The following COL19A1 variants were observed in gnomAD, a reference collection of about 807,000 sequenced individuals.
The protein encoded by COL19A1 is collagen alpha-1(XIX) chain.
Under a neutral mutation model 190.2 loss-of-function variants are expected in COL19A1, and 159 were observed. The observed-to-expected ratio is 0.84, with a 90% CI of 0.73 to 0.95. The LOEUF is 0.95. Ranked by LOEUF, COL19A1 falls within the 40% of genes least tolerant of loss-of-function variation. COL19A1 has a pLI of 0.00. For synonymous variants in COL19A1, 509 were observed against 458.9 expected, an observed-to-expected ratio of 1.11 and a Z score of -1.39; for missense variants, 1,418 against 1,431.9, an observed-to-expected ratio of 0.99 and a Z score of 0.16.
chr6:70,143,786 C>A lies in COL19A1; in HGVS notation c.1627-424C>A, dbSNP rs369035210. Among the ~76,000 whole-genome samples, 15 of 151,904 alleles carry A rather than the reference C, an allele frequency of 9.9e-5. 1 individual carries two copies. In the East Asian group the frequency reaches 1.4e-3, roughly 14 times the overall value. On this transcript the variant is annotated intron_variant, in intron 23 of 50. Transcript: ENST00000620364. ...GTGGCACAAGTGGAGCCACAATGCT[C>A]AAAAACTGAGACTAAGTGATAGTGG...
At chr6:69,906,841 A>T (rs17745952) in intron 4 of COL19A1, among the ~76,000 whole-genome samples, 26,025 of 152,096 alleles carry the variant, frequency 0.17, 2,755 homozygotes, top group African/African-American at 0.29. Flanking sequence ...GCTATTCTAA[A>T]TTATGTTTAT....
At chr6:70,137,549 A>G (rs1785945590) in intron 18 of COL19A1, 136 bp from the exon 19 acceptor site, 1 of 752,914 alleles carries the variant, frequency 1.3e-6, no homozygotes. Flanking sequence ...TAGATTCAGA[A>G]CTTTGCATTG....
intron 11 of COL19A1, among the ~76,000 whole-genome samples, chr6:69,996,818 TTAAA>T (rs898693782): frequency 3.0e-4 from 45 of 152,132 alleles, no homozygotes; most frequent in Admixed American, 8.5e-4. Flanking sequence ...TTTACAACCT[TTAAA>T]TAGAGTCTGT....
At chr6:69,958,015 C>T (rs1473015262) in intron 9 of COL19A1, among the ~76,000 whole-genome samples, 1 of 152,132 alleles carries the variant, frequency 6.6e-6, no homozygotes, top group Non-Finnish European at 1.5e-5. Flanking sequence ...CACAGGAAAA[C>T]ACAGTGTTTT....
intron 42 of COL19A1, among the ~76,000 whole-genome samples, chr6:70,179,203 G>A (rs116611295): frequency 0.021 from 3,212 of 152,230 alleles, 133 homozygotes; most frequent in African/African-American, 0.073. Flanking sequence ...CTCTACCTAT[G>A]GAGGGATCTC....
At chr6:70,156,773 G>C (rs373338490) in intron 34 of COL19A1, 50 bp downstream of exon 34, 1 of 1,461,628 alleles carries the variant, frequency 6.8e-7, no homozygotes, top group Non-Finnish European at 9.5e-7. Context: ...TTCTCTTTAC[G>C]TGGCTCAACA....
chr6:70,172,567 T>G (rs1765561207), intron 41 of COL19A1, among the ~76,000 whole-genome samples: 1 of 152,112 alleles, frequency 6.6e-6, no homozygotes, highest in African/African-American at 2.4e-5. Flanking sequence ...GCAGACCCTT[T>G]GTTATGGGTT....
At chr6:70,051,454 C>T (rs1375877017) in intron 14 of COL19A1, among the ~76,000 whole-genome samples, 2 of 152,124 alleles carry the variant, frequency 1.3e-5, no homozygotes, top group Non-Finnish European at 2.9e-5. Flanking sequence ...CCCTTGCCCC[C>T]AGGTACCAGA....
At chr6:70,144,381 T>A in intron 24 of COL19A1, 118 bp downstream of exon 24, 1 of 818,694 alleles carries the variant, frequency 1.2e-6, no homozygotes, top group Non-Finnish European at 1.9e-6. Context: ...TTGTGCACAT[T>A]AACTACAATG....
chr6:70,125,172 C>T (rs1453540068), intron 17 of COL19A1, among the ~76,000 whole-genome samples: 1 of 152,140 alleles, frequency 6.6e-6, no homozygotes, highest in Non-Finnish European at 1.5e-5. Context: ...CTGAGTGAAA[C>T]CTTCCTAGAG....
rs929886791 is a variant in COL19A1 at position 70,187,646 on chromosome 6, G to A, written c.2857-429G>A. On this transcript the variant is annotated intron_variant, in intron 46 of 50. Transcript: ENST00000620364. ...ACATGATTTAGGAGAGATTTTGAAT[G>A]TCCTAAAGTTTTTTTAAGTGAAAAG... 7.4e-3 allele frequency among the ~76,000 whole-genome samples: 886 copies of A among 119,692 alleles called. 238 individuals are homozygous for A. The highest frequency in any genetic ancestry group is 0.036 in the African/African-American group (821 of 22,972). The allele number at this position is 119,692 out of a possible 152,430, so 78.5% of individuals were successfully genotyped here. A position where few individuals can be genotyped will look rare whatever the true frequency, so the allele number is the denominator to read the frequency against.
intron 18 of COL19A1, among the ~76,000 whole-genome samples, chr6:70,133,799 A>G (rs1785664518): frequency 6.6e-6 from 1 of 152,154 alleles, no homozygotes; most frequent in African/African-American, 2.4e-5. Context: ...ACAAACCCAT[A>G]TGTGTCTAAG....
intron 11 of COL19A1, among the ~76,000 whole-genome samples, chr6:69,983,703 T>C (rs1290263467): frequency 6.6e-6 from 1 of 152,114 alleles, no homozygotes; most frequent in Non-Finnish European, 1.5e-5. Flanking sequence ...TTTCCACATC[T>C]GATGAGATGG....
chr6:70,195,070 T>A (rs1767107330), intron 48 of COL19A1, among the ~76,000 whole-genome samples: 1 of 149,668 alleles, frequency 6.7e-6, no homozygotes, highest in African/African-American at 2.4e-5. Context: ...ACTAAGATAT[T>A]AATTTTTATG....
At chr6:70,156,842 A>C in intron 34 of COL19A1, 119 bp downstream of exon 34, 1 of 615,640 alleles carries the variant, frequency 1.6e-6, no homozygotes, top group Admixed American at 3.1e-5. Flanking sequence ...ATAAAAACAA[A>C]GACCACTTAG....
chr6:70,080,448 C>T (rs1782180972), intron 15 of COL19A1, among the ~76,000 whole-genome samples: 1 of 152,154 alleles, frequency 6.6e-6, no homozygotes, highest in African/African-American at 2.4e-5. Flanking sequence ...CATTTTATCC[C>T]TTTTATCTAA....
At chr6:70,029,146 A>G (rs1034298914) in intron 12 of COL19A1, among the ~76,000 whole-genome samples, 4 of 152,204 alleles carry the variant, frequency 2.6e-5, no homozygotes, top group African/African-American at 9.6e-5. Flanking sequence ...AACAGCTGGC[A>G]ACAGCTGTTG....
chr6:70,166,950 C>T (rs1164182903), intron 37 of COL19A1, among the ~76,000 whole-genome samples: 2 of 152,156 alleles, frequency 1.3e-5, no homozygotes, highest in Non-Finnish European at 2.9e-5. Context: ...CTTAAGATGT[C>T]TTTGTCTTCC....
Position 70,146,856 on chromosome 6 carries a change from A to C in COL19A1, c.1860A>C (p.Ile620=). The part of the protein sequence containing the change: ...LPGVHGSPGD[I]GPQGIGIPGR... ...GTGTTCACGGTTCCCCAGGGGACAT[A>C]GGCCCACAAGGGATAGGAATTCCTG... The change falls in exon 27 of 51, where the codon ATA becomes ATC. Residue 620 remains isoleucine, a synonymous_variant. Coordinates refer to ENST00000620364, the MANE Select transcript of COL19A1 (RefSeq NM_001858.6). The C allele has an allele frequency of 6.3e-7, 1 of 1,589,328 alleles. No individual in the cohort carries two copies. Among genetic ancestry groups the C allele is most frequent in the African/African-American group, 1.4e-5 (1 of 73,874 alleles).
Sources: allele counts gnomAD v4.1 joint callset (sites outside exome capture counted in the v4.1 genomes callset), GRCh38; gene constraint gnomAD v4.1.1; transcripts MANE v1.5; gene names NCBI Gene and HGNC (gene_info 2026-07-23, HGNC 2026-07-21).